GALNTL6: variants seen among roughly 807,000 people sequenced by gnomAD.
GALNTL6 encodes polypeptide N-acetylgalactosaminyltransferase like 6, also known as polypeptide N-acetylgalactosaminyltransferase-like 6.
A neutral mutation model predicts 73.7 loss-of-function variants in GALNTL6; 46 were observed. The observed-to-expected ratio is 0.62, with a 90% CI of 0.49 to 0.80. The LOEUF (loss-of-function observed/expected upper bound fraction) is 0.80. GALNTL6 is among the 30% of genes least tolerant of loss of function. The pLI is 0.00. For synonymous variants in GALNTL6, 259 were observed against 263.7 expected, an observed-to-expected ratio of 0.98 and a Z score of 0.17; for missense variants, 604 against 755.0, an observed-to-expected ratio of 0.80 and a Z score of 2.34.
chr4:171,858,400 C>G (rs1735746184), intron 2 of GALNTL6, among the ~76,000 whole-genome samples: 1 of 150,178 alleles, frequency 6.7e-6, no homozygotes, highest in Non-Finnish European at 1.5e-5. Context: ...TCCAGAAATA[C>G]TAGGATCTCT....
chr4:172,810,171 G>T (rs577684373), intron 6 of GALNTL6, among the ~76,000 whole-genome samples: 75 of 152,256 alleles, frequency 4.9e-4, no homozygotes, highest in Middle Eastern at 3.4e-3. Context: ...CAGGTGCTAT[G>T]TCTTAAATGC....
At chr4:172,528,195 C>G (rs1413726951) in intron 5 of GALNTL6, among the ~76,000 whole-genome samples, 1 of 150,976 alleles carries the variant, frequency 6.6e-6, no homozygotes, top group Admixed American at 6.6e-5. Context: ...TAGACCAACA[C>G]TAAGAAAATT....
At chr4:172,990,451 T>G (rs185262853) in intron 10 of GALNTL6, among the ~76,000 whole-genome samples, 184 of 152,298 alleles carry the variant, frequency 1.2e-3, no homozygotes, top group African/African-American at 4.3e-3. Context: ...CAGTAAGTCA[T>G]AAAAAGGTTA....
intron 5 of GALNTL6, among the ~76,000 whole-genome samples, chr4:172,399,289 T>C (rs1226316064): frequency 1.3e-5 from 2 of 152,112 alleles, no homozygotes; most frequent in Non-Finnish European, 2.9e-5. Flanking sequence ...TGTTTAACTC[T>C]AGTCAAAATA....
intron 2 of GALNTL6, among the ~76,000 whole-genome samples, chr4:171,901,336 C>G (rs941323485): frequency 1.3e-5 from 2 of 152,104 alleles, no homozygotes; most frequent in African/African-American, 4.8e-5. Context: ...GCATTAGAAG[C>G]CCCCACAAAG....
At chr4:172,101,029 G>A (rs1732497213) in intron 2 of GALNTL6, among the ~76,000 whole-genome samples, 1 of 152,102 alleles carries the variant, frequency 6.6e-6, no homozygotes, top group African/African-American at 2.4e-5. Flanking sequence ...AAAACATATT[G>A]ATAGGCTCAT....
chr4:172,825,214 G>A (rs982630718), intron 7 of GALNTL6, among the ~76,000 whole-genome samples: 1 of 150,878 alleles, frequency 6.6e-6, no homozygotes, highest in African/African-American at 2.4e-5. Context: ...GTCTGTTTTT[G>A]TGTCCTGGAG....
At chr4:172,918,490 C>T (rs898355966) in intron 8 of GALNTL6, among the ~76,000 whole-genome samples, 3 of 152,064 alleles carry the variant, frequency 2.0e-5, no homozygotes, top group South Asian at 2.1e-4. Context: ...TTAACCAGTA[C>T]TCCCTTTTCC....
chr4:171,831,599 T>A (rs780901783), intron 2 of GALNTL6, among the ~76,000 whole-genome samples: 5 of 151,918 alleles, frequency 3.3e-5, no homozygotes, highest in Non-Finnish European at 5.9e-5. Context: ...CAATAGTGTA[T>A]GAAAATGGTT....
chr4:172,797,890 T>C (rs1340334033), intron 5 of GALNTL6, among the ~76,000 whole-genome samples: 2 of 152,070 alleles, frequency 1.3e-5, no homozygotes, highest in Non-Finnish European at 2.9e-5. Context: ...CTTTACTAGC[T>C]AAAGATTAAT....
chr4:172,717,532 C>T (rs748637775), intron 5 of GALNTL6, among the ~76,000 whole-genome samples: 5 of 151,972 alleles, frequency 3.3e-5, no homozygotes, highest in Admixed American at 1.3e-4. Flanking sequence ...GAAAAGAAAG[C>T]GGGGAAAAGG....
At chr4:172,379,902 A>T in intron 5 of GALNTL6, 1 of 546,724 alleles carries the variant, frequency 1.8e-6, no homozygotes, top group Non-Finnish European at 3.3e-6. Flanking sequence ...TTAATCACCA[A>T]AGGACTGAAG....
intron 5 of GALNTL6, among the ~76,000 whole-genome samples, chr4:172,578,679 G>A (rs1189252639): frequency 2.6e-5 from 4 of 152,236 alleles, no homozygotes; most frequent in Non-Finnish European, 4.4e-5. Context: ...CTGACACTCC[G>A]TGGTTTCACA....
At chr4:172,704,319 G>A (rs1010275451) in intron 5 of GALNTL6, among the ~76,000 whole-genome samples, 1 of 151,642 alleles carries the variant, frequency 6.6e-6, no homozygotes, top group Non-Finnish European at 1.5e-5. Flanking sequence ...TTTGATGAAA[G>A]CATTTCTTGC....
At chr4:172,127,789 A>G (rs566162313) in intron 2 of GALNTL6, among the ~76,000 whole-genome samples, 173 of 152,300 alleles carry the variant, frequency 1.1e-3, no homozygotes, top group Non-Finnish European at 2.2e-3. Context: ...ATTTTAAAAC[A>G]TTTATCAGGG....
intron 2 of GALNTL6, among the ~76,000 whole-genome samples, chr4:172,185,062 A>G (rs971752273): frequency 4.6e-5 from 7 of 152,170 alleles, no homozygotes; most frequent in African/African-American, 9.7e-5. Flanking sequence ...AAACCATAGC[A>G]GTTAAGTCAG....
chr4:172,495,000 T>C (rs1217267366), intron 5 of GALNTL6, among the ~76,000 whole-genome samples: 2 of 152,100 alleles, frequency 1.3e-5, no homozygotes, highest in Non-Finnish European at 2.9e-5. Flanking sequence ...ACACCCTCAC[T>C]GAACACCTCA....
intron 5 of GALNTL6, among the ~76,000 whole-genome samples, chr4:172,389,613 G>T (rs1743590261): frequency 6.6e-6 from 1 of 152,106 alleles, no homozygotes; most frequent in South Asian, 2.1e-4. Flanking sequence ...TGTATTGGCT[G>T]CATCTGAAGA....
intron 5 of GALNTL6, among the ~76,000 whole-genome samples, chr4:172,776,975 C>G (rs1384772381): frequency 6.6e-6 from 1 of 152,098 alleles, no homozygotes; most frequent in South Asian, 2.1e-4. Context: ...AATACCAATT[C>G]AAAGAGGAGC....
Sources: allele counts gnomAD v4.1 joint callset (sites outside exome capture counted in the v4.1 genomes callset), GRCh38; gene constraint gnomAD v4.1.1; transcripts MANE v1.5; gene names NCBI Gene and HGNC (gene_info 2026-07-23, HGNC 2026-07-21).